Variants in EPHA2 observed in about 807,000 individuals in gnomAD.
EPHA2 encodes the protein EPH receptor A2.
In EPHA2, 54 loss-of-function variants were observed where a neutral mutation model predicts 104.9. The ratio of observed to expected loss-of-function variants is 0.51; its 90% CI spans 0.41 to 0.65. EPHA2 has a LOEUF of 0.65. EPHA2 is among the 30% of genes least tolerant of loss of function. The pLI, the probability that EPHA2 is intolerant of heterozygous loss-of-function variation, is 0.00. For missense variants in EPHA2, 1,117 were observed against 1,369.5 expected (o/e 0.82, Z 2.91); for synonymous variants, 560 against 559.1 (o/e 1.00, Z -0.02).
chr1:16,130,323 G>C lies in EPHA2; in HGVS notation c.2572C>G (p.Arg858Gly). 6.2e-7 allele frequency: 1 copy of C among 1,605,784 alleles called. No homozygotes were observed. The highest frequency in any genetic ancestry group is 1.1e-5 in the South Asian group (1 of 90,170). ...QLMMQCWQQE[R>G]ARRPKFADIV... Reference sequence around the variant, plus strand: ...TCAGCGAACTTGGGGCGGCGGGCACGCTCCTGCTGCCAGCACTGCATCATG... The same window carrying C: ...TCAGCGAACTTGGGGCGGCGGGCACCCTCCTGCTGCCAGCACTGCATCATG... The change falls in exon 15 of 17, where the codon CGT becomes GGT. Residue 858 changes from arginine (R) to glycine (G), a missense_variant. Transcript: ENST00000358432. This position sits in a 1 kb window ranked among gnomAD's most constrained non-coding sequence, Gnocchi z 4.5.
intron 5 of EPHA2, among the ~76,000 whole-genome samples, chr1:16,136,449 G>A (rs904257901): frequency 2.6e-5 from 4 of 151,182 alleles, no homozygotes; most frequent in Non-Finnish European, 3.0e-5. Context: ...GAGAAACCCC[G>A]TCTCTACTAA....
In EPHA2 at chr1:16,156,014, G is replaced by A; in HGVS notation, c.-82C>T. 1.6e-6 allele frequency: 2 copies of A among 1,224,304 alleles called. No homozygotes were observed. Among genetic ancestry groups the A allele is most frequent in the Non-Finnish European group, 2.1e-6 (2 of 930,812 alleles). The allele number at this position is 1,224,304 out of a possible 1,614,324, so 75.8% of individuals were successfully genotyped here. A position where few individuals can be genotyped will look rare whatever the true frequency, so the allele number is the denominator to read the frequency against. ...CGCCTGCACGCCGGCCTCGGTGTCC[G>A]CTCCCGCCCGCCGGCCTGCGCGCAA... On this transcript the variant is annotated 5_prime_UTR_variant, in exon 1 of 17. Coordinates refer to ENST00000358432, the MANE Select transcript of EPHA2 (RefSeq NM_004431.5).
In EPHA2 at chr1:16,154,027, G is replaced by A. The variant is rs529816245; in HGVS notation, c.85+1821C>T. ...TCCCCCTGCATCCCATGGGGTGTGG[G>A]GGTGGGGTTTAATCACACAGGCTGG... On this transcript the variant is annotated intron_variant, in intron 1 of 16. Coordinates refer to ENST00000358432, the MANE Select transcript of EPHA2 (RefSeq NM_004431.5). Among the ~76,000 whole-genome samples the A allele has an allele frequency of 8.5e-5, 13 of 152,252 alleles. 1 individual carries two copies. The South Asian group carries it at 2.7e-3, about 32-fold the overall frequency.
intron 5 of EPHA2, among the ~76,000 whole-genome samples, chr1:16,137,379 G>T (rs911383036): frequency 1.3e-5 from 2 of 151,556 alleles, no homozygotes; most frequent in Non-Finnish European, 2.9e-5. Context: ...CGGGCGGATC[G>T]CAAGGTCAGG....
At position 16,138,039 on chromosome 1, in the gene EPHA2, A is replaced by G. The variant is rs748836138; in HGVS notation, c.1126T>C (p.Cys376Arg). 1.2e-6 allele frequency: 2 copies of G among 1,613,362 alleles called. No individual in the cohort carries two copies. The highest frequency in any genetic ancestry group is 1.1e-5 in the South Asian group (1 of 91,088). Residue 376 changes from cysteine to arginine, a missense_variant, in exon 5 of 17, where the codon TGC becomes CGC. Cys to Arg is a radical substitution (Grantham distance 180). This residue lies in a region of EPHA2 where 664 missense variants were observed against 784.8 expected (regional missense o/e 0.85). Coordinates refer to ENST00000358432, the MANE Select transcript of EPHA2 (RefSeq NM_004431.5). Reference sequence around the variant, plus strand: ...CGCACACTGGCCTCACACGGCCCGCATTCCCCAGACTCGGGCCAGCACTGT... The same window carrying G: ...CGCACACTGGCCTCACACGGCCCGCGTTCCCCAGACTCGGGCCAGCACTGT... ...CEQCWPESGE[C>R]GPCEASVRYS...
rs2124225497 is a variant in EPHA2, at chr1:16,137,888, C to G, written c.1277G>C (p.Ser426Thr). Residue 426 changes from serine (S) to threonine (T), a missense_variant, in exon 5 of 17, where the codon AGC becomes ACC. Transcript: ENST00000358432. ...GATGCTGACACTGGCAGTACGGAAG[C>G]TGCGGCTGGTTACCAGGCCTGAGAC... is the stretch of plus-strand genomic sequence containing the variant. ...NGVSGLVTSRSFRTASVSINQ... is the reference protein window; with the variant it reads ...NGVSGLVTSRTFRTASVSINQ... The G allele has an allele frequency of 6.2e-7, 1 of 1,613,892 alleles. No individual in the cohort carries two copies. The highest frequency in any genetic ancestry group is 8.5e-7 in the Non-Finnish European group (1 of 1,179,982).
intron 3 of EPHA2, among the ~76,000 whole-genome samples, chr1:16,139,212 C>T (rs916618998): frequency 1.3e-5 from 2 of 152,194 alleles, no homozygotes; most frequent in Admixed American, 6.5e-5. Flanking sequence ...TGTCTCATCC[C>T]GCCCCTGCCC....
rs2024505114 is a variant in EPHA2 at position 16,128,219 on chromosome 1, G to A, written c.2825+1215C>T. Among the ~76,000 whole-genome samples, 1 of 152,224 alleles carries A rather than the reference G, an allele frequency of 6.6e-6. No individual in the cohort carries two copies. Among genetic ancestry groups the A allele is most frequent in the Non-Finnish European group, 1.5e-5 (1 of 68,046 alleles). On this transcript the variant is annotated intron_variant, in intron 16 of 16. Coordinates refer to ENST00000358432, the MANE Select transcript of EPHA2 (RefSeq NM_004431.5). The surrounding 1 kb of genome is among the most constrained non-coding windows in gnomAD (Gnocchi z 4.7). ...CACCCGCTAGGAAGTGGCAGATGCG[G>A]GACTTGAACCCAGGTATGTGTGCAG...
At position 16,132,193 on chromosome 1, in the gene EPHA2, G is replaced by A. The variant is rs1298092185; in HGVS notation, c.2196C>T (p.Asn732=). Residue 732 remains asparagine (N), a synonymous_variant, in exon 13 of 17, where the codon AAC becomes AAT. Coordinates refer to ENST00000358432, the MANE Select transcript of EPHA2 (RefSeq NM_004431.5). ...GIAAGMKYLA[N]MNYVHRDLAA... ...CCAGGTCACGGTGCACATAGTTCATGTTGGCCAGGTACTTCATGCCAGCTG... is the reference window on the plus strand; with the variant it reads ...CCAGGTCACGGTGCACATAGTTCATATTGGCCAGGTACTTCATGCCAGCTG... 1.9e-6 allele frequency: 3 copies of A among 1,614,204 alleles called. No homozygotes were observed. Among genetic ancestry groups the A allele is most frequent in the Non-Finnish European group, 2.5e-6 (3 of 1,180,042 alleles).
At chr1:16,126,047 C>T (rs58812199) in intron 16 of EPHA2, among the ~76,000 whole-genome samples, 2,704 of 152,224 alleles carry the variant, frequency 0.018, 90 homozygotes, top group African/African-American at 0.06. Flanking sequence ...AGTTTCCTCC[C>T]GTGTAAAATG....
chr1:16,139,405 A>G (rs1444614705), intron 3 of EPHA2, among the ~76,000 whole-genome samples: 1 of 151,986 alleles, frequency 6.6e-6, no homozygotes. Context: ...GTCCTGAGAC[A>G]CCTCCAACCT....
At chr1:16,140,711 T>A (rs1355609698) in intron 3 of EPHA2, among the ~76,000 whole-genome samples, 1 of 152,130 alleles carries the variant, frequency 6.6e-6, no homozygotes, top group East Asian at 1.9e-4. Context: ...CTCCGCCTCC[T>A]GGGTTCAAGC....
intron 9 of EPHA2, 35 bp downstream of exon 9, chr1:16,133,825 G>A: frequency 6.5e-7 from 1 of 1,530,926 alleles, no homozygotes; most frequent in South Asian, 1.2e-5. Context: ...GACGGTGCGG[G>A]CAGGGCTGGG....
rs553945356 is a variant in EPHA2, at chr1:16,153,065, G to A, written c.86-2102C>T. The A allele has an allele frequency of 3.1e-6, 3 of 959,670 alleles. No individual in the cohort carries two copies. In the East Asian group the frequency reaches 3.5e-4, roughly 111 times the overall value. The allele number at this position is 959,670 out of a possible 1,614,324, so 59.4% of individuals were successfully genotyped here. A position where few individuals can be genotyped will look rare whatever the true frequency, so the allele number is the denominator to read the frequency against. ...CGGCTGACCCAGACGGCTTCCTGGAGAGGCTTAGGCTAAGCAGGGCTTATC... is the reference window on the plus strand; with the variant it reads ...CGGCTGACCCAGACGGCTTCCTGGAAAGGCTTAGGCTAAGCAGGGCTTATC... On this transcript the variant is annotated intron_variant, in intron 1 of 16. Coordinates refer to ENST00000358432, the MANE Select transcript of EPHA2 (RefSeq NM_004431.5).
Position 16,131,795 on chromosome 1 carries a change from A to G in EPHA2, c.2401T>C (p.Trp801Arg). 1 of 1,614,096 alleles carries G rather than the reference A, an allele frequency of 6.2e-7. No homozygotes were observed. The highest frequency in any genetic ancestry group is 1.3e-5 in the African/African-American group (1 of 75,028). ...TCCCACATGACAATGCCAAAGCTCC[A>G]CACGTCGCTGGCAGAGGTGAACTTC... ...YRKFTSASDV[W>R]SFGIVMWEVM... Residue 801 changes from tryptophan to arginine, a missense_variant, in exon 14 of 17, where the codon TGG (tryptophan) becomes CGG (arginine). Physicochemically the swap from Trp to Arg is moderately radical, Grantham distance 101. Transcript: ENST00000358432. The surrounding 1 kb of genome is among the most constrained non-coding windows in gnomAD (Gnocchi z 5.2).
chr1:16,151,428 C>T (rs1012170077), intron 1 of EPHA2, among the ~76,000 whole-genome samples: 26 of 152,326 alleles, frequency 1.7e-4, no homozygotes, highest in Admixed American at 8.5e-4. Context: ...TCTGCTTCTG[C>T]CACATTCCCC....
In EPHA2 at chr1:16,132,077, G is replaced by C. The variant is rs2024580421; in HGVS notation, c.2312C>G (p.Thr771Ser). ...TCCCCAACTTACACTGGTGGTGTAG[G>C]TGGCCTCGGGGTCGTCCTCCAGCAC... ...SRVLEDDPEATYTTSGGKIPI... is the reference protein window; with the variant it reads ...SRVLEDDPEASYTTSGGKIPI... Residue 771 changes from threonine to serine, a missense_variant, in exon 13 of 17, where the codon ACC (threonine) becomes AGC (serine). Around this residue, in one of 3 missense-constraint regions of EPHA2, gnomAD observed 340 missense variants for 480.5 expected, o/e 0.71. Transcript: ENST00000358432. 1 of 1,613,796 alleles carries C rather than the reference G, an allele frequency of 6.2e-7. No homozygotes were observed. The highest frequency in any genetic ancestry group is 8.5e-7 in the Non-Finnish European group (1 of 1,179,982).
Position 16,144,383 on chromosome 1 carries a change from G to A in EPHA2, c.823+3995C>T, listed in dbSNP as rs75823377. Among the ~76,000 whole-genome samples, 95 of 152,300 alleles carry A rather than the reference G, an allele frequency of 6.2e-4. 2 individuals are homozygous for A. The East Asian group carries it at 0.017, about 27-fold the overall frequency. On this transcript the variant is annotated intron_variant, in intron 3 of 16. Transcript: ENST00000358432. ...TGCGAGCCACAGCCAGCAGCTCCCAGAGTCTTCCACCTGGGGGACCAACTG... is the reference window on the plus strand; with the variant it reads ...TGCGAGCCACAGCCAGCAGCTCCCAAAGTCTTCCACCTGGGGGACCAACTG...
chr1:16,132,293 C>T lies in EPHA2; in HGVS notation c.2116-20G>A, dbSNP rs2024584660. 1 of 1,613,918 alleles carries T rather than the reference C, an allele frequency of 6.2e-7. No individual in the cohort carries two copies. Among genetic ancestry groups the T allele is most frequent in the Admixed American group, 1.7e-5 (1 of 60,010 alleles). On this transcript the variant is annotated intron_variant, in intron 12 of 16. Transcript: ENST00000358432. The stretch of plus-strand genomic sequence containing the variant: ...CTTCTCCTGCCGGAGCACAGGCGCT[C>T]AGCTGCAGGCCAGCCCTGAACCCGC...
Sources: allele counts gnomAD v4.1 joint callset (sites outside exome capture counted in the v4.1 genomes callset), GRCh38; gene constraint gnomAD v4.1.1; regional missense constraint gnomAD v4.1.1; non-coding constraint Gnocchi (gnomAD v3.1); transcripts MANE v1.5; gene names NCBI Gene and HGNC (gene_info 2026-07-23, HGNC 2026-07-21).